Variants in LUZP2 observed in about 807,000 individuals in gnomAD.
LUZP2 encodes the protein leucine zipper protein 2.
Under a neutral mutation model 51.6 loss-of-function variants are expected in LUZP2, and 52 were observed. The observed-to-expected ratio is 1.01, with a 90% confidence interval of 0.81 to 1.27. The LOEUF is 1.27. Among genes scored for constraint, LUZP2 ranks in the 50% most tolerant of loss-of-function variants. LUZP2 has a pLI of 0.00. For synonymous variants in LUZP2, 154 were observed against 137.3 expected (o/e 1.12, Z -0.85); for missense variants, 436 against 395.4 (o/e 1.10, Z -0.87).
chr11:25,021,026 A>T (rs187919497), intron 9 of LUZP2, among the ~76,000 whole-genome samples: 1 of 152,260 alleles, frequency 6.6e-6, no homozygotes, highest in East Asian at 1.9e-4. Context: ...ACTCTTCTAC[A>T]TTAAGATTTT....
intron 1 of LUZP2, among the ~76,000 whole-genome samples, chr11:24,706,868 G>C (rs1340662462): frequency 6.6e-6 from 1 of 151,288 alleles, no homozygotes; most frequent in Non-Finnish European, 1.5e-5. Flanking sequence ...CTCCTTCAGG[G>C]AACCTCTCTC....
chr11:24,603,382 G>T (rs1378416174), intron 1 of LUZP2, among the ~76,000 whole-genome samples: 4 of 151,902 alleles, frequency 2.6e-5, no homozygotes, highest in South Asian at 4.1e-4. Flanking sequence ...TAACTTCCAG[G>T]TCAAAGGAAT....
chr11:24,879,326 CA>C (rs1324232202), intron 5 of LUZP2, among the ~76,000 whole-genome samples: 1 of 152,128 alleles, frequency 6.6e-6, no homozygotes, highest in Non-Finnish European at 1.5e-5. Context: ...CATTGATTGG[CA>C]TTTTAGTTGG....
intron 5 of LUZP2, among the ~76,000 whole-genome samples, chr11:24,901,083 A>G (rs1853266542): frequency 6.6e-6 from 1 of 152,172 alleles, no homozygotes; most frequent in African/African-American, 2.4e-5. Flanking sequence ...GAACAAAAAC[A>G]AAAAAGAGCA....
chr11:24,734,734 T>C (rs1217171772), intron 3 of LUZP2, among the ~76,000 whole-genome samples: 1 of 151,982 alleles, frequency 6.6e-6, no homozygotes, highest in Non-Finnish European at 1.5e-5. Context: ...ATCTGACTTA[T>C]TAGTAAACAT....
chr11:25,049,825 T>G (rs1379417879), intron 9 of LUZP2, among the ~76,000 whole-genome samples: 1 of 152,062 alleles, frequency 6.6e-6, no homozygotes, highest in African/African-American at 2.4e-5. Flanking sequence ...TAAATATAAT[T>G]TATTTATTTA....
chr11:24,821,916 T>G (rs1850372390), intron 5 of LUZP2, among the ~76,000 whole-genome samples: 1 of 150,444 alleles, frequency 6.6e-6, no homozygotes, highest in Admixed American at 6.6e-5. Context: ...TTATTAATAA[T>G]AGAAAAATAG....
At chr11:24,767,731 A>G (rs942862522) in intron 5 of LUZP2, among the ~76,000 whole-genome samples, 2 of 152,006 alleles carry the variant, frequency 1.3e-5, no homozygotes, top group Non-Finnish European at 1.5e-5. Flanking sequence ...ACTTTAACAC[A>G]TCCTTGTGCC....
intron 9 of LUZP2, among the ~76,000 whole-genome samples, chr11:25,036,502 T>G (rs1404322352): frequency 6.7e-6 from 1 of 150,058 alleles, no homozygotes; most frequent in Non-Finnish European, 1.5e-5. Context: ...ATTTCTTTTA[T>G]TCTGCTAGCT....
At chr11:24,819,542 A>G (rs1358865900) in intron 5 of LUZP2, among the ~76,000 whole-genome samples, 1 of 152,084 alleles carries the variant, frequency 6.6e-6, no homozygotes, top group Non-Finnish European at 1.5e-5. Context: ...ATTATGCCTG[A>G]GGTTTAAAAC....
chr11:25,022,247 A>C (rs1857357934), intron 9 of LUZP2, among the ~76,000 whole-genome samples: 1 of 152,158 alleles, frequency 6.6e-6, no homozygotes, highest in Admixed American at 6.6e-5. Context: ...AATTGTATCT[A>C]AATAAAGCTT....
intron 5 of LUZP2, among the ~76,000 whole-genome samples, chr11:24,847,789 A>G (rs141658258): frequency 3.3e-5 from 5 of 152,308 alleles, no homozygotes; most frequent in African/African-American, 1.2e-4. Context: ...AGTTGGCACT[A>G]TTATAAAATG....
intron 1 of LUZP2, among the ~76,000 whole-genome samples, chr11:24,631,801 A>G (rs1425766404): frequency 6.6e-6 from 1 of 151,912 alleles, no homozygotes; most frequent in African/African-American, 2.4e-5. Flanking sequence ...TGCAGCTGTG[A>G]ATCTATCTAG....
chr11:24,588,133 T>A (rs1853138560), intron 1 of LUZP2, among the ~76,000 whole-genome samples: 1 of 152,136 alleles, frequency 6.6e-6, no homozygotes. Flanking sequence ...TTGTCTTTAA[T>A]TATATTTTTA....
intron 3 of LUZP2, among the ~76,000 whole-genome samples, chr11:24,735,294 T>C (rs1406112658): frequency 2.0e-5 from 3 of 151,938 alleles, no homozygotes; most frequent in Non-Finnish European, 4.4e-5. Flanking sequence ...ATAATATTCA[T>C]AGGAGATTCC....
intron 4 of LUZP2, among the ~76,000 whole-genome samples, chr11:24,757,034 G>A (rs893346558): frequency 1.1e-4 from 16 of 152,152 alleles, no homozygotes; most frequent in African/African-American, 3.9e-4. Context: ...CAAGTTATGG[G>A]GAAGGGGCAT....
chr11:24,966,235 C>T (rs995826741), intron 7 of LUZP2, among the ~76,000 whole-genome samples: 1 of 151,398 alleles, frequency 6.6e-6, no homozygotes, highest in African/African-American at 2.4e-5. Context: ...AATTTATTTA[C>T]TACCTAAGTC....
chr11:24,593,006 G>C (rs760510017), intron 1 of LUZP2, among the ~76,000 whole-genome samples: 4 of 152,048 alleles, frequency 2.6e-5, no homozygotes, highest in Non-Finnish European at 5.9e-5. Context: ...TTGTGTTCTT[G>C]TTTATTTTGA....
At chr11:24,880,463 C>T (rs1005265549) in intron 5 of LUZP2, among the ~76,000 whole-genome samples, 4 of 152,132 alleles carry the variant, frequency 2.6e-5, no homozygotes, top group African/African-American at 9.7e-5. Flanking sequence ...TAGAGAGTTG[C>T]TAAACTGGTG....
Sources: allele counts gnomAD v4.1 joint callset (sites outside exome capture counted in the v4.1 genomes callset), GRCh38; gene constraint gnomAD v4.1.1; transcripts MANE v1.5; gene names NCBI Gene and HGNC (gene_info 2026-07-23, HGNC 2026-07-21).